Variants in PPM1L observed in about 807,000 individuals in gnomAD.
PPM1L encodes protein phosphatase, Mg2+/Mn2+ dependent 1L, also known as protein phosphatase 1L.
In PPM1L, 13 loss-of-function variants were observed where a neutral mutation model predicts 31.4. The observed-to-expected ratio is 0.41, with a 90% CI of 0.27 to 0.66. The LOEUF is 0.66. Ranked by LOEUF, PPM1L falls within the 30% of genes least tolerant of loss-of-function variation. PPM1L has a pLI of 0.29. For synonymous variants in PPM1L, 184 were observed against 175.4 expected (o/e 1.05, Z -0.39); for missense variants, 326 against 453.7 (o/e 0.72, Z 2.56).
At chr3:160,879,510 CT>C (rs1712632067) in intron 1 of PPM1L, among the ~76,000 whole-genome samples, 1 of 152,014 alleles carries the variant, frequency 6.6e-6, no homozygotes, top group Admixed American at 6.6e-5. Context: ...GCATGAGGTA[CT>C]GGTGGGTGAT....
At chr3:160,909,133 G>T (rs1002304600) in intron 1 of PPM1L, among the ~76,000 whole-genome samples, 2 of 152,252 alleles carry the variant, frequency 1.3e-5, no homozygotes, top group Admixed American at 1.3e-4. Flanking sequence ...AAACGTTTTT[G>T]TAAAGGGGAG....
intron 1 of PPM1L, among the ~76,000 whole-genome samples, chr3:160,788,372 A>G (rs1406942352): frequency 1.3e-5 from 2 of 151,958 alleles, no homozygotes; most frequent in Non-Finnish European, 2.9e-5. Flanking sequence ...TTCCTTTTGT[A>G]AAACCACTTG....
intron 2 of PPM1L, chr3:161,022,300 G>T (rs1049197103): frequency 1.0e-5 from 5 of 478,058 alleles, no homozygotes; most frequent in African/African-American, 1.0e-4. Flanking sequence ...CTGTGCTGTT[G>T]TCAACCAAAT....
chr3:160,831,141 A>G (rs1483070841), intron 1 of PPM1L, among the ~76,000 whole-genome samples: 2 of 152,220 alleles, frequency 1.3e-5, no homozygotes, highest in Non-Finnish European at 2.9e-5. Flanking sequence ...TTAAAAGTCA[A>G]TTTATATATG....
At chr3:160,963,148 G>A (rs1044554980) in intron 2 of PPM1L, among the ~76,000 whole-genome samples, 4 of 151,904 alleles carry the variant, frequency 2.6e-5, no homozygotes, top group Non-Finnish European at 4.4e-5. Flanking sequence ...GCATCTTATA[G>A]ATCATAGAAC....
chr3:160,814,527 A>ATACG (rs1712910388), intron 1 of PPM1L, among the ~76,000 whole-genome samples: 2 of 100,220 alleles, frequency 2.0e-5, no homozygotes, highest in African/African-American at 4.3e-5. Context: ...ATACACACAC[A>ATACG]TATGTATGTA....
chr3:160,989,741 C>T (rs1717071012), intron 2 of PPM1L, among the ~76,000 whole-genome samples: 1 of 152,118 alleles, frequency 6.6e-6, no homozygotes. Flanking sequence ...CTCATCAGAG[C>T]CTTGAAATCC....
At chr3:161,041,620 C>A (rs182466840) in intron 2 of PPM1L, among the ~76,000 whole-genome samples, 1 of 152,132 alleles carries the variant, frequency 6.6e-6, no homozygotes, top group African/African-American at 2.4e-5. Flanking sequence ...TGGTGGTGGG[C>A]GCCTGTAGTC....
chr3:160,767,045 C>T (rs1342376932), intron 1 of PPM1L, among the ~76,000 whole-genome samples: 2 of 151,988 alleles, frequency 1.3e-5, no homozygotes, highest in Non-Finnish European at 2.9e-5. Context: ...CTGTCTGCTC[C>T]CCAAGCTAGG....
rs372069184 is a variant in PPM1L at position 160,964,839 on chromosome 3, T to A, written c.574+2929T>A. Among the ~76,000 whole-genome samples, 131 of 152,118 alleles carry A rather than the reference T, an allele frequency of 8.6e-4. 1 individual carries two copies. In the South Asian group the frequency reaches 9.5e-3, roughly 11 times the overall value. On this transcript the variant is annotated intron_variant, in intron 2 of 3. Coordinates refer to ENST00000498165, the MANE Select transcript of PPM1L (RefSeq NM_139245.4). ...TGTGTGTTGCAAAACCAAAAGTTAC[T>A]ACCTCCTCCTCCATAACCCATACGT...
intron 2 of PPM1L, among the ~76,000 whole-genome samples, chr3:161,048,785 A>G (rs1719167767): frequency 1.3e-5 from 2 of 152,010 alleles, no homozygotes; most frequent in African/African-American, 4.8e-5. Context: ...TTGTAGGGAC[A>G]TGGATGAAGC....
chr3:161,031,128 A>G (rs527246132), intron 2 of PPM1L, among the ~76,000 whole-genome samples: 1 of 152,340 alleles, frequency 6.6e-6, no homozygotes, highest in East Asian at 1.9e-4. Context: ...AGGTCAGAAG[A>G]TTGTATTTCT....
chr3:161,045,470 A>C lies in PPM1L; in HGVS notation c.575-19933A>C, dbSNP rs530038184. Among the ~76,000 whole-genome samples the C allele has an allele frequency of 5.1e-3, 783 of 152,150 alleles. 4 individuals carry two copies. The highest frequency in any genetic ancestry group is 0.018 in the African/African-American group (751 of 41,408). On this transcript the variant is annotated intron_variant, in intron 2 of 3. Transcript: ENST00000498165. ...CTACAACTCAGGATTAAGAAACTTA[A>C]TCAAAACCGTTCAACTACATGGAAA...
At chr3:160,968,218 C>T (rs1716217776) in intron 2 of PPM1L, among the ~76,000 whole-genome samples, 1 of 150,218 alleles carries the variant, frequency 6.7e-6, no homozygotes. Flanking sequence ...ATAGTTTAGA[C>T]CTTTTATTGT....
intron 1 of PPM1L, among the ~76,000 whole-genome samples, chr3:160,778,816 A>G (rs984762417): frequency 1.3e-5 from 2 of 152,174 alleles, no homozygotes; most frequent in African/African-American, 4.8e-5. Flanking sequence ...GAATAGGACT[A>G]TTTCACAGAA....
intron 1 of PPM1L, among the ~76,000 whole-genome samples, chr3:160,901,134 G>A (rs890577125): frequency 1.2e-4 from 18 of 151,980 alleles, no homozygotes; most frequent in South Asian, 2.1e-4. Context: ...ATCTAGGTTC[G>A]TGGCTTTGCA....
chr3:161,068,142 A>G (rs746999684), intron 3 of PPM1L, among the ~76,000 whole-genome samples: 2 of 152,226 alleles, frequency 1.3e-5, no homozygotes, highest in Non-Finnish European at 2.9e-5. Flanking sequence ...ACTGTGCCAA[A>G]TGACTTATGT....
intron 1 of PPM1L, among the ~76,000 whole-genome samples, chr3:160,923,509 G>A (rs147274887): frequency 5.7e-4 from 87 of 152,298 alleles, no homozygotes; most frequent in Non-Finnish European, 1.0e-3. Context: ...AGTGGCATAT[G>A]CAACTGGTTT....
chr3:160,822,879 T>A (rs1713243736), intron 1 of PPM1L, among the ~76,000 whole-genome samples: 1 of 151,482 alleles, frequency 6.6e-6, no homozygotes. Flanking sequence ...AAAAGTTGAA[T>A]AAGAATATCT....
Sources: allele counts gnomAD v4.1 joint callset (sites outside exome capture counted in the v4.1 genomes callset), GRCh38; gene constraint gnomAD v4.1.1; transcripts MANE v1.5; gene names NCBI Gene and HGNC (gene_info 2026-07-23, HGNC 2026-07-21).